The following SLC25A21 variants were observed in gnomAD, a reference collection of about 807,000 sequenced individuals.
The protein encoded by SLC25A21 is solute carrier family 25 member 21.
In SLC25A21, 47 loss-of-function variants were observed where a neutral mutation model predicts 43.8. The ratio of observed to expected loss-of-function variants is 1.07; its 90% confidence interval spans 0.85 to 1.37. The LOEUF is 1.37. SLC25A21 is among the 40% of genes most tolerant of loss of function. SLC25A21 has a pLI of 0.00. For synonymous variants in SLC25A21, 131 were observed against 121.3 expected, an observed-to-expected ratio of 1.08 and a Z score of -0.52; for missense variants, 352 against 350.2, an observed-to-expected ratio of 1.00 and a Z score of -0.04.
chr14:37,151,510 T>C (rs1292236233), intron 1 of SLC25A21, among the ~76,000 whole-genome samples: 2 of 152,202 alleles, frequency 1.3e-5, no homozygotes, highest in Non-Finnish European at 2.9e-5. Flanking sequence ...TGTTTGTTCA[T>C]TAACACTCAA....
chr14:37,014,417 C>G (rs917538577), intron 1 of SLC25A21, among the ~76,000 whole-genome samples: 1 of 152,138 alleles, frequency 6.6e-6, no homozygotes, highest in Admixed American at 6.6e-5. Context: ...TCTCAAGAAA[C>G]CACTTTCTTT....
chr14:37,139,683 C>T (rs1371841169), intron 1 of SLC25A21, among the ~76,000 whole-genome samples: 1 of 152,082 alleles, frequency 6.6e-6, no homozygotes. Flanking sequence ...TAACTGACTC[C>T]TATGTTACGC....
At position 37,015,039 on chromosome 14, in the gene SLC25A21, TTTATTA is replaced by T. The variant is rs548034724; in HGVS notation, c.71-140041_71-140036del. On this transcript the variant is annotated intron_variant, in intron 1 of 9. Coordinates refer to ENST00000331299, the MANE Select transcript of SLC25A21 (RefSeq NM_030631.4). Reference sequence around the variant, plus strand: ...GGGCACAGCAGATTTGGCATAATTCTTTATTATTATTATTATTATACTTTAAGTATT... The same window carrying T: ...GGGCACAGCAGATTTGGCATAATTCTTTATTATTATTATACTTTAAGTATT... Among the ~76,000 whole-genome samples the T allele has an allele frequency of 4.6e-5, 7 of 151,824 alleles. No homozygotes were observed. The South Asian group carries it at 6.3e-4, about 14-fold the overall frequency.
intron 3 of SLC25A21, among the ~76,000 whole-genome samples, chr14:36,745,344 T>C (rs565965298): frequency 6.6e-6 from 1 of 152,292 alleles, no homozygotes; most frequent in African/African-American, 2.4e-5. Context: ...TTTATAATCC[T>C]TTGGGTATAT....
intron 1 of SLC25A21, among the ~76,000 whole-genome samples, chr14:36,950,046 C>A (rs1044130636): frequency 1.3e-5 from 2 of 152,094 alleles, no homozygotes; most frequent in Admixed American, 6.6e-5. Flanking sequence ...GCAGAGTTCT[C>A]CAAATCTATT....
chr14:37,056,259 G>C (rs1262242522), intron 1 of SLC25A21, among the ~76,000 whole-genome samples: 7 of 152,104 alleles, frequency 4.6e-5, no homozygotes, highest in Non-Finnish European at 8.8e-5. Flanking sequence ...GGGAGGCCGA[G>C]GCGGGCGGAT....
chr14:36,817,296 G>A (rs1197909469), intron 2 of SLC25A21, among the ~76,000 whole-genome samples: 2 of 152,160 alleles, frequency 1.3e-5, no homozygotes, highest in Non-Finnish European at 2.9e-5. Context: ...CACGAGGGGA[G>A]CAATTACTGC....
intron 1 of SLC25A21, among the ~76,000 whole-genome samples, chr14:36,894,317 C>T (rs1429800695): frequency 2.0e-5 from 3 of 152,126 alleles, no homozygotes; most frequent in Non-Finnish European, 2.9e-5. Flanking sequence ...AATGGGAGTT[C>T]ACTCATGATT....
chr14:36,898,673 C>A (rs1181851739), intron 1 of SLC25A21, among the ~76,000 whole-genome samples: 1 of 152,152 alleles, frequency 6.6e-6, no homozygotes, highest in Non-Finnish European at 1.5e-5. Flanking sequence ...GCCATCTTGG[C>A]TCCATCCCCC....
rs546354998 is a variant in SLC25A21, at chr14:36,980,731, C to T, written c.71-105727G>A. Among the ~76,000 whole-genome samples the T allele has an allele frequency of 1.6e-4, 25 of 152,222 alleles. No homozygotes were observed. The South Asian group carries it at 4.1e-3, about 25-fold the overall frequency. ...CTGCATTCCTTTGGAGGAGAAGAGG[C>T]GCTCTGATTTAAGAAAACCTAGGCA... is the stretch of plus-strand genomic sequence containing the variant. On this transcript the variant is annotated intron_variant, in intron 1 of 9. Coordinates refer to ENST00000331299, the MANE Select transcript of SLC25A21 (RefSeq NM_030631.4).
At chr14:36,764,687 T>G (rs17105233) in intron 3 of SLC25A21, among the ~76,000 whole-genome samples, 36,942 of 150,262 alleles carry the variant, frequency 0.25, 4,692 homozygotes, top group East Asian at 0.31. Context: ...GGACCCAGCA[T>G]GCTTTGAAGT....
intron 1 of SLC25A21, among the ~76,000 whole-genome samples, chr14:37,075,396 T>C (rs1046166704): frequency 1.4e-4 from 22 of 152,170 alleles, no homozygotes; most frequent in Admixed American, 2.0e-4. Context: ...AAACTTCATA[T>C]TGATAGACCC....
In SLC25A21 at chr14:36,957,397, T is replaced by C. The variant is rs541492115; in HGVS notation, c.71-82393A>G. On this transcript the variant is annotated intron_variant, in intron 1 of 9. Transcript: ENST00000331299. Reference sequence around the variant, plus strand: ...CAGCTGGAACCCTGAGTTCCAGTCCTGGCTTGCCCATTAATGTGCTGTGTG... The same window carrying C: ...CAGCTGGAACCCTGAGTTCCAGTCCCGGCTTGCCCATTAATGTGCTGTGTG... Among the ~76,000 whole-genome samples, 5 of 152,348 alleles carry C rather than the reference T, an allele frequency of 3.3e-5. No individual in the cohort carries two copies. The East Asian group carries it at 7.7e-4, about 24-fold the overall frequency.
intron 1 of SLC25A21, among the ~76,000 whole-genome samples, chr14:36,945,771 A>G (rs541652061): frequency 4.6e-5 from 7 of 152,274 alleles, no homozygotes; most frequent in Admixed American, 1.3e-4. Flanking sequence ...GCAACAGGAA[A>G]AGAGTTCTGG....
intron 2 of SLC25A21, among the ~76,000 whole-genome samples, chr14:36,873,295 GATTT>G (rs909893215): frequency 5.3e-4 from 81 of 151,776 alleles, no homozygotes; most frequent in African/African-American, 1.8e-3. Context: ...TTCTTTTATT[GATTT>G]ATTTATTTTT....
intron 3 of SLC25A21, among the ~76,000 whole-genome samples, chr14:36,768,957 A>G (rs978225133): frequency 3.3e-5 from 4 of 121,752 alleles, no homozygotes; most frequent in Middle Eastern, 3.9e-3. Flanking sequence ...ACAAAAACCT[A>G]TATCTATCTA....
rs1014543755 is a variant in SLC25A21, at chr14:37,049,590, A to T, written c.70+122691T>A. ...CTGTTTCAAAAAGGAAAGGAATAAC[A>T]TATCATAGAATTATGAAAATAATTA... On this transcript the variant is annotated intron_variant, in intron 1 of 9. Coordinates refer to ENST00000331299, the MANE Select transcript of SLC25A21 (RefSeq NM_030631.4). Among the ~76,000 whole-genome samples, 4 of 152,152 alleles carry T rather than the reference A, an allele frequency of 2.6e-5. No homozygotes were observed. In the South Asian group the frequency reaches 6.2e-4, roughly 24 times the overall value.
intron 1 of SLC25A21, among the ~76,000 whole-genome samples, chr14:37,077,067 A>C (rs900285463): frequency 6.6e-6 from 1 of 152,182 alleles, no homozygotes; most frequent in Non-Finnish European, 1.5e-5. Flanking sequence ...CAAAGACCTA[A>C]TCAAATAGAT....
chr14:37,166,717 G>T (rs1236310834), intron 1 of SLC25A21, among the ~76,000 whole-genome samples: 1 of 152,188 alleles, frequency 6.6e-6, no homozygotes, highest in Admixed American at 6.5e-5. Flanking sequence ...CACTTATGCA[G>T]AAAATCATTT....
Sources: allele counts gnomAD v4.1 joint callset (sites outside exome capture counted in the v4.1 genomes callset), GRCh38; gene constraint gnomAD v4.1.1; transcripts MANE v1.5; gene names NCBI Gene and HGNC (gene_info 2026-07-23, HGNC 2026-07-21).